SEM1: variants seen among roughly 807,000 people sequenced by gnomAD.
SEM1 encodes 26S proteasome complex subunit SEM1.
A neutral mutation model predicts 12.7 loss-of-function variants in SEM1; 3 were observed. That is an observed-to-expected ratio of 0.24 (90% CI 0.11 to 0.61). The LOEUF (loss-of-function observed/expected upper bound fraction) is 0.61, where lower values mean the gene tolerates loss of function less well. SEM1 is among the 20% of genes least tolerant of loss of function. SEM1 has a pLI of 0.88. For missense variants in SEM1, 59 were observed against 81.3 expected (o/e 0.73, Z 1.06); for synonymous variants, 30 against 27.8 (o/e 1.08, Z -0.25).
exon 3 of SEM1, chr7:96,673,659 C>T: frequency 1.4e-6 from 1 of 698,112 alleles, no homozygotes; most frequent in Non-Finnish European, 2.6e-6. Flanking sequence ...ACTCCATGCA[C>T]ATATCCACAT....
At chr7:96,628,758 T>C (rs1808153852) in intron 2 of SEM1, among the ~76,000 whole-genome samples, 2 of 152,192 alleles carry the variant, frequency 1.3e-5, no homozygotes, top group Admixed American at 1.3e-4. Flanking sequence ...CCGATGATTT[T>C]ATATTGCTCA....
chr7:96,505,702 G>A (rs1036601506), intron 3 of SEM1, among the ~76,000 whole-genome samples: 10 of 152,066 alleles, frequency 6.6e-5, no homozygotes, highest in South Asian at 2.1e-4. Context: ...AATGTTTGGC[G>A]AGGGTCCACA....
chr7:96,510,345 A>G (rs1803898721), intron 2 of SEM1, among the ~76,000 whole-genome samples: 1 of 152,154 alleles, frequency 6.6e-6, no homozygotes, highest in Non-Finnish European at 1.5e-5. Context: ...AACCTACTAC[A>G]CATCTAGGCT....
At chr7:96,667,765 G>A (rs1428275132) in intron 2 of SEM1, among the ~76,000 whole-genome samples, 1 of 152,120 alleles carries the variant, frequency 6.6e-6, no homozygotes, top group Non-Finnish European at 1.5e-5. Context: ...TAGTCCCAAC[G>A]GCCTGAGCTT....
intron 2 of SEM1, among the ~76,000 whole-genome samples, chr7:96,659,703 CTA>C (rs1788921061): frequency 6.6e-6 from 1 of 151,820 alleles, no homozygotes; most frequent in South Asian, 2.1e-4. Context: ...CAGTGAAAAA[CTA>C]TTGGTATTGC....
chr7:96,698,917 T>G (rs1790184182), intron 1 of SEM1, among the ~76,000 whole-genome samples: 1 of 152,168 alleles, frequency 6.6e-6, no homozygotes, highest in African/African-American at 2.4e-5. Context: ...CCACATCCTC[T>G]CCAGCATAAA....
intron 2 of SEM1, among the ~76,000 whole-genome samples, chr7:96,515,245 C>T (rs1250031886): frequency 6.6e-6 from 1 of 152,120 alleles, no homozygotes; most frequent in Non-Finnish European, 1.5e-5. Flanking sequence ...CAAAAGAAGA[C>T]ATTTATGCAG....
chr7:96,659,155 C>G (rs1809283584), intron 2 of SEM1, among the ~76,000 whole-genome samples: 1 of 152,016 alleles, frequency 6.6e-6, no homozygotes, highest in African/African-American at 2.4e-5. Flanking sequence ...CTCACAAACA[C>G]AGGAAGCACA....
intron 2 of SEM1, among the ~76,000 whole-genome samples, chr7:96,556,509 A>G (rs1454149768): frequency 3.3e-5 from 5 of 152,142 alleles, no homozygotes; most frequent in Admixed American, 6.5e-5. Flanking sequence ...AAGAATGTTG[A>G]ATATTGGCCC....
At chr7:96,575,825 A>G (rs557304495) in intron 2 of SEM1, among the ~76,000 whole-genome samples, 8 of 152,374 alleles carry the variant, frequency 5.3e-5, no homozygotes, top group Non-Finnish European at 1.0e-4. Flanking sequence ...CAAACTATGC[A>G]TCTGACAAAT....
At chr7:96,603,332 G>C (rs1459358606) in intron 2 of SEM1, among the ~76,000 whole-genome samples, 1 of 152,044 alleles carries the variant, frequency 6.6e-6, no homozygotes, top group Non-Finnish European at 1.5e-5. Flanking sequence ...TGTTCTTTAG[G>C]CTAGTTGAAA....
intron 2 of SEM1, among the ~76,000 whole-genome samples, chr7:96,520,367 T>C (rs779896700): frequency 2.0e-5 from 3 of 152,134 alleles, no homozygotes; most frequent in African/African-American, 4.8e-5. Flanking sequence ...ATCTAGTTCA[T>C]AGAACTTTTG....
upstream of SEM1, among the ~76,000 whole-genome samples, chr7:96,499,636 A>C (rs1465831719): frequency 6.6e-6 from 1 of 152,144 alleles, no homozygotes; most frequent in Non-Finnish European, 1.5e-5. Flanking sequence ...TAAGCCAGGC[A>C]TGTACTTAAC....
At chr7:96,644,173 A>G (rs1312086509) in intron 2 of SEM1, among the ~76,000 whole-genome samples, 5 of 152,114 alleles carry the variant, frequency 3.3e-5, no homozygotes, top group African/African-American at 1.2e-4. Context: ...CAGTTTAGAC[A>G]TGCTCAGAAA....
At chr7:96,532,050 A>T (rs937284919) in intron 2 of SEM1, among the ~76,000 whole-genome samples, 4 of 151,974 alleles carry the variant, frequency 2.6e-5, no homozygotes, top group Admixed American at 6.6e-5. Flanking sequence ...ATTGTAAGTG[A>T]TCTACCCTCT....
At chr7:96,605,421 G>GTAAC (rs776131630) in intron 2 of SEM1, among the ~76,000 whole-genome samples, 25 of 152,150 alleles carry the variant, frequency 1.6e-4, no homozygotes, top group Non-Finnish European at 3.2e-4. Flanking sequence ...TGACACAAAA[G>GTAAC]TAACTCTATT....
At chr7:96,684,390 T>G (rs143284644), downstream of SEM1, among the ~76,000 whole-genome samples, 9 of 151,988 alleles carry the variant, frequency 5.9e-5, no homozygotes, top group East Asian at 1.6e-3. Flanking sequence ...CACCCCACCC[T>G]GAGCTGGGAA....
chr7:96,659,921 A>C (rs1003278839), intron 2 of SEM1, among the ~76,000 whole-genome samples: 1 of 148,330 alleles, frequency 6.7e-6, no homozygotes, highest in Admixed American at 6.6e-5. Context: ...GGCAAAAAAA[A>C]AAAAAAAAAC....
intron 2 of SEM1, among the ~76,000 whole-genome samples, chr7:96,579,129 T>G (rs1806300701): frequency 6.6e-6 from 1 of 152,192 alleles, no homozygotes; most frequent in South Asian, 2.1e-4. Flanking sequence ...AATTTTTATT[T>G]TTCTAACTAC....
Sources: gnomAD v4.1 joint callset for allele counts (sites outside exome capture counted in the v4.1 genomes callset) on GRCh38, gnomAD v4.1.1 for gene constraint, MANE v1.5 for transcripts, NCBI Gene and HGNC (gene_info 2026-07-23, HGNC 2026-07-21) for gene names.